GRIA4: variants seen among roughly 807,000 people sequenced by gnomAD.
The protein encoded by GRIA4 is glutamate ionotropic receptor AMPA type subunit 4.
GRIA4 carries 34 observed loss-of-function variants against 104.0 expected under a neutral mutation model. The observed-to-expected ratio is 0.33, with a 90% CI of 0.25 to 0.44. The LOEUF (loss-of-function observed/expected upper bound fraction) is 0.44, where lower values mean the gene tolerates loss of function less well. Ranked by LOEUF, GRIA4 falls within the 20% of genes least tolerant of loss-of-function variation. GRIA4 has a pLI of 1.00. For synonymous variants in GRIA4, 386 were observed against 381.9 expected (o/e 1.01, Z -0.13); for missense variants, 750 against 1,096.5 (o/e 0.68, Z 4.46).
rs551236889 is a variant in GRIA4 at position 105,871,046 on chromosome 11, G to T, written c.672+8838G>T. 1.2e-4 allele frequency among the ~76,000 whole-genome samples: 18 copies of T among 152,144 alleles called. No individual in the cohort carries two copies. In the South Asian group the frequency reaches 3.5e-3, roughly 30 times the overall value. On this transcript the variant is annotated intron_variant, in intron 5 of 16. Transcript: ENST00000282499. ...ACATCTACTTAAATATTTATTGAGT[G>T]CCTGTTATAGGTCAGGCCAGGCATA...
intron 3 of GRIA4, among the ~76,000 whole-genome samples, chr11:105,746,915 C>T (rs767518662): frequency 2.0e-5 from 3 of 151,890 alleles, no homozygotes; most frequent in Admixed American, 6.6e-5. Flanking sequence ...ACCATACAAA[C>T]GAGGATTCGT....
intron 4 of GRIA4, among the ~76,000 whole-genome samples, chr11:105,807,837 C>T (rs1185983601): frequency 1.3e-5 from 2 of 151,802 alleles, no homozygotes; most frequent in Non-Finnish European, 2.9e-5. Flanking sequence ...CATTTCTGCT[C>T]ACATTGTCTG....
rs73544613 is a variant in GRIA4 at position 105,923,732 on chromosome 11, G to A, written c.1477-667G>A. Among the ~76,000 whole-genome samples the A allele has an allele frequency of 3.0e-3, 458 of 152,202 alleles. 6 individuals are homozygous for A. Among genetic ancestry groups the A allele is most frequent in the African/African-American group, 0.011 (438 of 41,554 alleles). On this transcript the variant is annotated intron_variant, in intron 11 of 16. Coordinates refer to ENST00000282499, the MANE Select transcript of GRIA4 (RefSeq NM_000829.4). ...ATAATACCTGAGAAATGAATCTACT[G>A]TTTTTCAAAATCTTTTTTTAAATGA...
Position 105,899,358 on chromosome 11 carries a change from T to G in GRIA4, c.885+931T>G, listed in dbSNP as rs538565338. On this transcript the variant is annotated intron_variant, in intron 7 of 16. Transcript: ENST00000282499. ...GCACTGTTGTCCAATCCTTTGATTT[T>G]ACAGATAAATACAAGCAAATTATTA... Among the ~76,000 whole-genome samples the G allele has an allele frequency of 1.2e-3, 185 of 152,350 alleles. 1 individual carries two copies. Among genetic ancestry groups the G allele is most frequent in the African/African-American group, 4.4e-3 (182 of 41,578 alleles).
chr11:105,816,267 C>A (rs1943371322), intron 4 of GRIA4, among the ~76,000 whole-genome samples: 1 of 152,090 alleles, frequency 6.6e-6, no homozygotes, highest in Admixed American at 6.6e-5. Context: ...TGTGTCCTTG[C>A]CCAAATCTCA....
chr11:105,687,018 C>T (rs552697623), intron 3 of GRIA4, among the ~76,000 whole-genome samples: 110 of 152,010 alleles, frequency 7.2e-4, no homozygotes, highest in Admixed American at 1.9e-3. Context: ...GTAGGTTGAC[C>T]ATTTACTCTG....
intron 10 of GRIA4, chr11:105,913,118 A>T (rs867666986): frequency 1.5e-6 from 1 of 672,456 alleles, no homozygotes; most frequent in Non-Finnish European, 1.8e-6. Context: ...TCAGTTATTC[A>T]TAAATATTTA....
intron 4 of GRIA4, among the ~76,000 whole-genome samples, chr11:105,781,637 T>C (rs1941732092): frequency 1.3e-5 from 2 of 152,266 alleles, no homozygotes; most frequent in African/African-American, 4.8e-5. Flanking sequence ...ATTTACCTCA[T>C]TGGTATTCGT....
Position 105,918,917 on chromosome 11 carries a change from G to A in GRIA4, c.1475G>A (p.Gly492Glu). The A allele has an allele frequency of 6.4e-7, 1 of 1,570,860 alleles. No individual in the cohort carries two copies. Among genetic ancestry groups the A allele is most frequent in the South Asian group, 1.1e-5 (1 of 90,268 alleles). Residue 492 changes from glycine to glutamate, a missense_variant and splice_region_variant, in exon 11 of 17, where the codon GGG (glycine) becomes GAG (glutamate). By Grantham distance (98) the Gly-to-Glu change is moderately conservative (BLOSUM62 -2). Transcript: ENST00000282499. ...GGGATGGTAGGAGAACTTGTTTATG[G>A]GGTAAGCAAATCAACTTATTGAAGA... Reference protein sequence around the residue: ...WNGMVGELVYGKAEIAIAPLT... With the variant: ...WNGMVGELVYEKAEIAIAPLT...
intron 14 of GRIA4, 78 bp downstream of exon 14, chr11:105,934,047 T>C (rs549162464): frequency 8.3e-7 from 1 of 1,208,332 alleles, no homozygotes; most frequent in East Asian, 2.4e-5. Flanking sequence ...GAGAATTATT[T>C]TGTTTTGTGT....
At chr11:105,731,385 C>T in intron 3 of GRIA4, among the ~76,000 whole-genome samples, 1 of 151,964 alleles carries the variant, frequency 6.6e-6, no homozygotes, top group East Asian at 1.9e-4. Flanking sequence ...AAGAGATGCT[C>T]AAGAGGATGT....
At chr11:105,723,123 A>G (rs182767292) in intron 3 of GRIA4, among the ~76,000 whole-genome samples, 112 of 151,450 alleles carry the variant, frequency 7.4e-4, no homozygotes, top group African/African-American at 2.4e-3. Flanking sequence ...GGGGGAAAAA[A>G]CCCTCCTAAT....
chr11:105,761,557 T>C (rs1381214823), intron 4 of GRIA4, among the ~76,000 whole-genome samples: 1 of 152,170 alleles, frequency 6.6e-6, no homozygotes, highest in Non-Finnish European at 1.5e-5. Flanking sequence ...AGGACTCAAC[T>C]GCCTCTGTCA....
At chr11:105,751,597 T>C (rs921253685) in intron 3 of GRIA4, among the ~76,000 whole-genome samples, 8 of 152,190 alleles carry the variant, frequency 5.3e-5, no homozygotes, top group African/African-American at 1.9e-4. Context: ...TTGATAGAAT[T>C]TCTTTATAAA....
At chr11:105,634,024 G>A (rs757377234) in intron 3 of GRIA4, among the ~76,000 whole-genome samples, 1 of 152,064 alleles carries the variant, frequency 6.6e-6, no homozygotes, top group Non-Finnish European at 1.5e-5. Context: ...GACAATAGTA[G>A]TAACCAAAAG....
chr11:105,837,186 C>G (rs950851496), intron 4 of GRIA4, among the ~76,000 whole-genome samples: 1 of 152,088 alleles, frequency 6.6e-6, no homozygotes, highest in Non-Finnish European at 1.5e-5. Flanking sequence ...GAAACCACCC[C>G]CATGATCCAA....
intron 5 of GRIA4, among the ~76,000 whole-genome samples, chr11:105,875,440 G>A (rs1945781907): frequency 1.3e-5 from 2 of 152,138 alleles, no homozygotes; most frequent in Non-Finnish European, 2.9e-5. Context: ...AAATGAGTTA[G>A]GGAGGAGTCC....
chr11:105,808,145 A>T (rs996755167), intron 4 of GRIA4, among the ~76,000 whole-genome samples: 1 of 151,850 alleles, frequency 6.6e-6, no homozygotes, highest in Non-Finnish European at 1.5e-5. Flanking sequence ...CATTGATCTA[A>T]TATTATTGTT....
intron 6 of GRIA4, among the ~76,000 whole-genome samples, chr11:105,893,697 T>C (rs1946537017): frequency 1.3e-5 from 2 of 152,228 alleles, no homozygotes; most frequent in African/African-American, 2.4e-5. Context: ...TGGATAACGC[T>C]ATGAAAGAAG....
Sources: gnomAD v4.1 joint callset for allele counts (sites outside exome capture counted in the v4.1 genomes callset) on GRCh38, gnomAD v4.1.1 for gene constraint, MANE v1.5 for transcripts, NCBI Gene and HGNC (gene_info 2026-07-23, HGNC 2026-07-21) for gene names.